The following FBXW2 variants were observed in gnomAD, a reference collection of about 807,000 sequenced individuals.
FBXW2 encodes the protein F-box/WD repeat-containing protein 2.
FBXW2 carries 12 observed loss-of-function variants against 46.0 expected under a neutral mutation model. The ratio of observed to expected loss-of-function variants is 0.26; its 90% CI spans 0.17 to 0.42. The LOEUF (loss-of-function observed/expected upper bound fraction) is 0.42, where lower values mean the gene tolerates loss of function less well. FBXW2 is among the 10% of genes least tolerant of loss of function. FBXW2 has a pLI of 1.00. For missense variants in FBXW2, 360 were observed against 537.0 expected (o/e 0.67, Z 3.26); for synonymous variants, 203 against 209.6 (o/e 0.97, Z 0.27).
chr9:120,793,360 C>A lies in FBXW2; in HGVS notation c.-136G>T. On this transcript the variant is annotated 5_prime_UTR_variant, in exon 1 of 8. In the 5' UTR this introduces an upstream ATG that the reference lacks. Coordinates refer to ENST00000608872, the MANE Select transcript of FBXW2 (RefSeq NM_012164.4). The stretch of plus-strand genomic sequence containing the variant: ...CCCCGCCTCGCATACAGACCCGGAC[C>A]TGCGGCCGCTGCTCCCGGTCCGCAG... 1 of 402,318 alleles carries A rather than the reference C, an allele frequency of 2.5e-6. No individual in the cohort carries two copies. Among genetic ancestry groups the A allele is most frequent in the Non-Finnish European group, 4.4e-6 (1 of 228,280 alleles). 24.9% of individuals were successfully genotyped at this position (402,318 alleles called of 1,614,324 possible).
In FBXW2 at chr9:120,764,364, C is replaced by T. The variant is rs1487044696; in HGVS notation, c.*195G>A. On this transcript the variant is annotated 3_prime_UTR_variant, in exon 8 of 8. Coordinates refer to ENST00000608872, the MANE Select transcript of FBXW2 (RefSeq NM_012164.4). ...AATGGTGTACCCCATTAGCATGCTGCGTTGTATGTCAATAAAACAAGCCCT... is the reference window on the plus strand; with the variant it reads ...AATGGTGTACCCCATTAGCATGCTGTGTTGTATGTCAATAAAACAAGCCCT... 1.7e-6 allele frequency: 1 copy of T among 590,032 alleles called. No individual in the cohort carries two copies. The allele number at this position is 590,032 out of a possible 1,614,324, so 36.5% of individuals were successfully genotyped here. A position where few individuals can be genotyped will look rare whatever the true frequency, so the allele number is the denominator to read the frequency against.
chr9:120,775,478 T>C lies in FBXW2; in HGVS notation c.819+615A>G, dbSNP rs111754831. Among the ~76,000 whole-genome samples, 774 of 152,236 alleles carry C rather than the reference T, an allele frequency of 5.1e-3. 10 individuals carry two copies. The highest frequency in any genetic ancestry group is 0.014 in the Middle Eastern group (4 of 294). ...TATCATCCACAGGGTAAGGACTGGG[T>C]CTATTTTGCTTACTCCTGTTTTCTC... On this transcript the variant is annotated intron_variant, in intron 5 of 7. Coordinates refer to ENST00000608872, the MANE Select transcript of FBXW2 (RefSeq NM_012164.4).
rs2044156115 is a variant in FBXW2, at chr9:120,758,822, A to C, written c.*5737T>G. On this transcript the variant is annotated 3_prime_UTR_variant, in exon 8 of 8. Coordinates refer to ENST00000608872, the MANE Select transcript of FBXW2 (RefSeq NM_012164.4). ...CGTAAGTTTAAGTTAGTAAGAAAGA[A>C]CTCATGCAAAGATGTGCTGGATAGA... 6.6e-6 allele frequency: 1 copy of C among 152,184 alleles called. No individual in the cohort carries two copies. The highest frequency in any genetic ancestry group is 1.5e-5 in the Non-Finnish European group (1 of 68,032). The allele number at this position is 152,184 out of a possible 1,614,324, so 9.4% of individuals were successfully genotyped here.
Position 120,771,491 on chromosome 9 carries a change from G to A in FBXW2, c.933C>T (p.Asn311=). ...CAGACAATGTCTTTAAGCACTTACA[G>A]TTGATTTCTCTCCCAATTGGCCAAA... ...IKIWPIGREI[N]CKCLKTLSVS... The change falls in exon 7 of 8, where the codon AAC becomes AAT. Residue 311 remains asparagine, a synonymous_variant. Coordinates refer to ENST00000608872, the MANE Select transcript of FBXW2 (RefSeq NM_012164.4). 6.2e-7 allele frequency: 1 copy of A among 1,612,578 alleles called. No homozygotes were observed. Among genetic ancestry groups the A allele is most frequent in the Non-Finnish European group, 8.5e-7 (1 of 1,179,632 alleles).
At chr9:120,772,864 G>C (rs749110508) in intron 5 of FBXW2, 24 bp from the exon 6 acceptor site, 6 of 1,530,640 alleles carry the variant, frequency 3.9e-6, no homozygotes, top group African/African-American at 1.4e-5. Context: ...CCATGTTACG[G>C]AAAGATCCTT....
intron 3 of FBXW2, among the ~76,000 whole-genome samples, chr9:120,782,371 C>T (rs954268117): frequency 6.6e-6 from 1 of 151,916 alleles, no homozygotes; most frequent in African/African-American, 2.4e-5. Context: ...GAGGCTGAGG[C>T]AGGATAATCG....
chr9:120,757,386 G>A lies in FBXW2; in HGVS notation c.*7173C>T, dbSNP rs561027835. Reference sequence around the variant, plus strand: ...TAAGAAAAAATTCCACTGCTTTTGCGAGTAAGTCTTCTACTGGAACTTGTT... The same window carrying A: ...TAAGAAAAAATTCCACTGCTTTTGCAAGTAAGTCTTCTACTGGAACTTGTT... On this transcript the variant is annotated 3_prime_UTR_variant, in exon 8 of 8. Coordinates refer to ENST00000608872, the MANE Select transcript of FBXW2 (RefSeq NM_012164.4). 7 of 152,274 alleles carry A rather than the reference G, an allele frequency of 4.6e-5. No homozygotes were observed. The highest frequency in any genetic ancestry group is 2.6e-4 in the Admixed American group (4 of 15,300). 9.4% of individuals were successfully genotyped at this position (152,274 alleles called of 1,614,324 possible). A position where few individuals can be genotyped will look rare whatever the true frequency, so the allele number is the denominator to read the frequency against.
In FBXW2 at chr9:120,760,068, G is replaced by A. The variant is rs982577751; in HGVS notation, c.*4491C>T. 1.2e-4 allele frequency: 19 copies of A among 152,218 alleles called. No individual in the cohort carries two copies. The highest frequency in any genetic ancestry group is 1.1e-3 in the Admixed American group (17 of 15,274). 9.4% of individuals were successfully genotyped at this position (152,218 alleles called of 1,614,324 possible). A position where few individuals can be genotyped will look rare whatever the true frequency, so the allele number is the denominator to read the frequency against. The stretch of plus-strand genomic sequence containing the variant: ...AAAAGTGAATCTGTTCTTTTCATCA[G>A]ACATTCTGAGGACAGCATAATTCTC... On this transcript the variant is annotated 3_prime_UTR_variant, in exon 8 of 8. Transcript: ENST00000608872.
rs1285068936 is a variant in FBXW2, at chr9:120,761,619, A to T, written c.*2940T>A. The T allele has an allele frequency of 6.6e-6, 1 of 152,220 alleles. No individual in the cohort carries two copies. The highest frequency in any genetic ancestry group is 1.5e-5 in the Non-Finnish European group (1 of 68,040). 9.4% of individuals were successfully genotyped at this position (152,220 alleles called of 1,614,324 possible). Reference sequence around the variant, plus strand: ...GGATGAGCTAGTTTTCCATTTTTATAAAAACTGGCGATAGTATGAATAAAC... The same window carrying T: ...GGATGAGCTAGTTTTCCATTTTTATTAAAACTGGCGATAGTATGAATAAAC... On this transcript the variant is annotated 3_prime_UTR_variant, in exon 8 of 8. Coordinates refer to ENST00000608872, the MANE Select transcript of FBXW2 (RefSeq NM_012164.4).
Position 120,780,062 on chromosome 9 carries a change from G to C in FBXW2, c.491-1517C>G, listed in dbSNP as rs111455595. Among the ~76,000 whole-genome samples, 710 of 151,492 alleles carry C rather than the reference G, an allele frequency of 4.7e-3. 9 individuals are homozygous for C. Among genetic ancestry groups the C allele is most frequent in the African/African-American group, 0.016 (677 of 41,260 alleles). ...CTGAGGCATGAGAATCGCTTGAGCT[G>C]GGGAGGCAGAGGTTGCAATGAGCTG... On this transcript the variant is annotated intron_variant, in intron 3 of 7. Transcript: ENST00000608872.
At chr9:120,784,407 T>C (rs2044676081) in intron 3 of FBXW2, among the ~76,000 whole-genome samples, 1 of 151,114 alleles carries the variant, frequency 6.6e-6, no homozygotes, top group African/African-American at 2.4e-5. Flanking sequence ...AGCCCAGGAG[T>C]TCGAGACCAG....
chr9:120,780,756 G>A (rs1296621282), intron 3 of FBXW2, among the ~76,000 whole-genome samples: 1 of 152,142 alleles, frequency 6.6e-6, no homozygotes, highest in African/African-American at 2.4e-5. Flanking sequence ...GTGTCAGGCA[G>A]GATTCTTGTT....
intron 5 of FBXW2, among the ~76,000 whole-genome samples, chr9:120,774,475 G>T (rs1471439266): frequency 6.6e-6 from 1 of 151,936 alleles, no homozygotes; most frequent in African/African-American, 2.4e-5. Context: ...TCATGACACG[G>T]CATTCCAGCC....
rs3750496 is a variant in FBXW2, at chr9:120,763,892, A to G, written c.*667T>C. 18,421 of 152,340 alleles carry G rather than the reference A, an allele frequency of 0.12. 1,264 individuals are homozygous for G. The highest frequency in any genetic ancestry group is 0.17 in the Middle Eastern group (51 of 294). The allele number at this position is 152,340 out of a possible 1,614,324, so 9.4% of individuals were successfully genotyped here. A position where few individuals can be genotyped will look rare whatever the true frequency, so the allele number is the denominator to read the frequency against. The stretch of plus-strand genomic sequence containing the variant: ...GCTGCCGGGGACTAGCTTCCCCGAC[A>G]TGGCAACAAAAACTACAGAACTCGC... On this transcript the variant is annotated 3_prime_UTR_variant, in exon 8 of 8. Transcript: ENST00000608872.
intron 5 of FBXW2, among the ~76,000 whole-genome samples, chr9:120,774,383 G>A (rs1348911715): frequency 1.3e-5 from 2 of 151,042 alleles, no homozygotes; most frequent in Non-Finnish European, 2.9e-5. Flanking sequence ...GTGGTGGCAC[G>A]TGGCTGTAGT....
chr9:120,777,803 A>G (rs919181134), intron 4 of FBXW2, among the ~76,000 whole-genome samples: 3 of 151,284 alleles, frequency 2.0e-5, no homozygotes, highest in Non-Finnish European at 2.9e-5. Flanking sequence ...AGGATGCTAT[A>G]CATTTATTAG....
chr9:120,776,315 A>T, intron 4 of FBXW2, 89 bp from the exon 5 acceptor site: 1 of 1,446,618 alleles, frequency 6.9e-7, no homozygotes, highest in Non-Finnish European at 9.3e-7. Context: ...TTCCCCAATT[A>T]TATAATTTCC....
intron 2 of FBXW2, 29 bp from the exon 3 acceptor site, chr9:120,788,307 T>G: frequency 6.3e-7 from 1 of 1,584,888 alleles, no homozygotes; most frequent in Non-Finnish European, 8.5e-7. Context: ...TTGTATTAGT[T>G]CTGCTCAAAA....
intron 2 of FBXW2, 83 bp from the exon 3 acceptor site, chr9:120,788,361 T>C: frequency 1.5e-6 from 2 of 1,353,666 alleles, no homozygotes; most frequent in Non-Finnish European, 2.0e-6. Flanking sequence ...TATTAAAAAT[T>C]AGTGTAAAAA....
Sources: allele counts gnomAD v4.1 joint callset (sites outside exome capture counted in the v4.1 genomes callset), GRCh38; gene constraint gnomAD v4.1.1; transcripts MANE v1.5; gene names NCBI Gene and HGNC (gene_info 2026-07-23, HGNC 2026-07-21).